UBN1: variants seen among roughly 807,000 people sequenced by gnomAD.
UBN1 encodes ubinuclein 1.
A neutral mutation model predicts 108.5 loss-of-function variants in UBN1; 17 were observed. The observed-to-expected ratio is 0.16, with a 90% CI of 0.11 to 0.24. The LOEUF (loss-of-function observed/expected upper bound fraction) is 0.24. Ranked by LOEUF, UBN1 falls within the 10% of genes least tolerant of loss-of-function variation. UBN1 has a pLI of 1.00. For synonymous variants in UBN1, 726 were observed against 564.2 expected, an observed-to-expected ratio of 1.29 and a Z score of -4.07; for missense variants, 1,595 against 1,394.4, an observed-to-expected ratio of 1.14 and a Z score of -2.29.
chr16:4,862,643 G>A (rs1297166645), intron 7 of UBN1, among the ~76,000 whole-genome samples: 2 of 152,234 alleles, frequency 1.3e-5, no homozygotes, highest in Admixed American at 1.3e-4. Context: ...ATAGATGGTC[G>A]TTAGAGAAAA....
intron 1 of UBN1, among the ~76,000 whole-genome samples, chr16:4,849,147 A>G (rs1216629033): frequency 6.6e-6 from 1 of 152,222 alleles, no homozygotes; most frequent in African/African-American, 2.4e-5. Context: ...TGAACATTGC[A>G]CCAAAACCTA....
rs139137265 is a variant in UBN1, at chr16:4,874,247, C to A, written c.1837C>A (p.Pro613Thr). Residue 613 changes from proline to threonine, a missense_variant, in exon 15 of 18, where the codon CCA (proline) becomes ACA (threonine). Pro to Thr is a conservative substitution (Grantham distance 38). This residue lies in a region of UBN1 where 1,398 missense variants were observed against 1,194.7 expected (regional missense o/e 1.17). Coordinates refer to ENST00000262376, the MANE Select transcript of UBN1 (RefSeq NM_001079514.3). ...STKPDKKVSV[P>T]SGQIGGPIAL... ...GAAGCCTGATAAAAAGGTTTCTGTC[C>A]CATCAGGACAGATTGGTGGCCCCAT... 12 of 1,568,898 alleles carry A rather than the reference C, an allele frequency of 7.6e-6. No homozygotes were observed. In the African/African-American group the frequency reaches 1.4e-4, roughly 18 times the overall value.
In UBN1 at chr16:4,860,881, T is replaced by A. The variant is rs1441205748; in HGVS notation, c.889T>A (p.Ser297Thr). The A allele has an allele frequency of 3.1e-6, 5 of 1,614,128 alleles. No homozygotes were observed. In the African/African-American group the frequency reaches 5.3e-5, roughly 17 times the overall value. Reference sequence around the variant, plus strand: ...CTTGCTCTCACTCTTTGGCTCTACTTCTGACAACGACTTGCTCCAGGCGGC... The same window carrying A: ...CTTGCTCTCACTCTTTGGCTCTACTACTGACAACGACTTGCTCCAGGCGGC... Reference protein sequence around the residue: ...DPLLSLFGSTSDNDLLQAATA... With the variant: ...DPLLSLFGSTTDNDLLQAATA... Residue 297 changes from serine (S) to threonine (T), a missense_variant, in exon 7 of 18, where the codon TCT (serine) becomes ACT (threonine). This residue lies in a region of UBN1 where 1,398 missense variants were observed against 1,194.7 expected (regional missense o/e 1.17). Transcript: ENST00000262376.
At chr16:4,873,224 G>T (rs1184462991) in intron 14 of UBN1, 151 bp downstream of exon 14, 1 of 1,172,062 alleles carries the variant, frequency 8.5e-7, no homozygotes, top group Non-Finnish European at 1.2e-6. Flanking sequence ...TAACAGGACA[G>T]AGACCCAAGC....
At chr16:4,857,874 G>T in intron 2 of UBN1, 116 bp from the exon 3 acceptor site, 1 of 729,886 alleles carries the variant, frequency 1.4e-6, no homozygotes, top group East Asian at 2.5e-5. Context: ...TTTCTACCTT[G>T]CCCTTTTCTG....
In UBN1 at chr16:4,860,979, C is replaced by T. The variant is rs948310723; in HGVS notation, c.987C>T (p.Phe329=). 10 of 1,614,238 alleles carry T rather than the reference C, an allele frequency of 6.2e-6. No homozygotes were observed. The highest frequency in any genetic ancestry group is 7.6e-6 in the Non-Finnish European group (9 of 1,180,056). ...GTGAGTCTCCAGAAGGAAGTCCCTT[C>T]CGAGATATGGATGATGGAAGTGATT... is the stretch of plus-strand genomic sequence containing the variant. ...LLSESPEGSP[F]RDMDDGSDSL... The change falls in exon 7 of 18, where the codon TTC becomes TTT. Residue 329 remains phenylalanine, a synonymous_variant. Transcript: ENST00000262376.
At chr16:4,866,820 A>G (rs17137357) in intron 7 of UBN1, among the ~76,000 whole-genome samples, 2,798 of 152,334 alleles carry the variant, frequency 0.018, 99 homozygotes, top group African/African-American at 0.064. Flanking sequence ...CCAAGGTTCC[A>G]TTCTTGTCTT....
At chr16:4,876,762 T>G (rs1387659501) in intron 15 of UBN1, 109 bp from the exon 16 acceptor site, 2 of 1,488,900 alleles carry the variant, frequency 1.3e-6, no homozygotes, top group African/African-American at 2.8e-5. Context: ...TGGATGTGTA[T>G]GTCCTCCTTT....
chr16:4,852,813 T>G, intron 1 of UBN1, 66 bp from the exon 2 acceptor site: 1 of 1,400,082 alleles, frequency 7.1e-7, no homozygotes, highest in Non-Finnish European at 9.6e-7. Context: ...TTAAATCTCT[T>G]TAATTAGGCA....
intron 8 of UBN1, 87 bp downstream of exon 8, chr16:4,868,990 A>G: frequency 7.4e-7 from 1 of 1,356,096 alleles, no homozygotes; most frequent in Non-Finnish European, 1.0e-6. Flanking sequence ...GTGGGAGTAC[A>G]ATTGAACTGC....
At chr16:4,857,160 G>A (rs1394897805) in intron 2 of UBN1, among the ~76,000 whole-genome samples, 3 of 151,650 alleles carry the variant, frequency 2.0e-5, no homozygotes, top group African/African-American at 7.3e-5. Flanking sequence ...TGGGCAACAT[G>A]ATGAAACCCT....
At chr16:4,855,418 T>TAG (rs2086756494) in intron 2 of UBN1, among the ~76,000 whole-genome samples, 1 of 151,938 alleles carries the variant, frequency 6.6e-6, no homozygotes, top group Non-Finnish European at 1.5e-5. Context: ...AGTTCAAGAC[T>TAG]AGCCTGGGCA....
chr16:4,877,365 C>T lies in UBN1; in HGVS notation c.3266-20C>T. On this transcript the variant is annotated intron_variant, in intron 16 of 17. Coordinates refer to ENST00000262376, the MANE Select transcript of UBN1 (RefSeq NM_001079514.3). This position sits in a 1 kb window ranked among gnomAD's most constrained non-coding sequence, Gnocchi z 4.3. ...CAATGTGTGTGTTTTGTTCTTTTCT[C>T]CCCTCCTGTTTTCTCTCAGGTCTTC... 1 of 1,603,438 alleles carries T rather than the reference C, an allele frequency of 6.2e-7. No homozygotes were observed. Among genetic ancestry groups the T allele is most frequent in the East Asian group, 2.2e-5 (1 of 44,706 alleles).
chr16:4,871,445 C>A, intron 12 of UBN1, 144 bp downstream of exon 12: 2 of 1,202,462 alleles, frequency 1.7e-6, no homozygotes, highest in Non-Finnish European at 2.2e-6. Context: ...AACTGGGGGA[C>A]ATGCAGGTAG....
intron 2 of UBN1, among the ~76,000 whole-genome samples, chr16:4,856,246 T>A (rs1481002236): frequency 6.6e-6 from 1 of 152,184 alleles, no homozygotes; most frequent in East Asian, 1.9e-4. Flanking sequence ...CCCTTCACCA[T>A]TGCAGAAAAA....
intron 2 of UBN1, among the ~76,000 whole-genome samples, chr16:4,854,959 T>G (rs548275226): frequency 2.0e-5 from 3 of 152,272 alleles, no homozygotes; most frequent in African/African-American, 7.2e-5. Flanking sequence ...CCTGACCTCG[T>G]GATCCGCCCG....
intron 14 of UBN1, among the ~76,000 whole-genome samples, chr16:4,873,728 C>G (rs906000840): frequency 6.6e-6 from 1 of 152,162 alleles, no homozygotes; most frequent in African/African-American, 2.4e-5. Flanking sequence ...GGATTAGACC[C>G]CATTCCTGTT....
chr16:4,862,043 C>A (rs548107043), intron 7 of UBN1, among the ~76,000 whole-genome samples: 6 of 152,362 alleles, frequency 3.9e-5, no homozygotes, highest in African/African-American at 1.4e-4. Context: ...GTTCAAGTAA[C>A]ACATTTCTAA....
At chr16:4,869,197 A>G (rs1008582438) in intron 8 of UBN1, among the ~76,000 whole-genome samples, 2 of 152,312 alleles carry the variant, frequency 1.3e-5, no homozygotes, top group Middle Eastern at 3.4e-3. Context: ...CTTGGCAGGT[A>G]TGAGATGAGG....
Sources: gnomAD v4.1 joint callset for allele counts (sites outside exome capture counted in the v4.1 genomes callset) on GRCh38, gnomAD v4.1.1 for gene constraint, gnomAD v4.1.1 regional missense constraint, Gnocchi (gnomAD v3.1) non-coding constraint, MANE v1.5 for transcripts, NCBI Gene and HGNC (gene_info 2026-07-23, HGNC 2026-07-21) for gene names.